CEP43: variants seen among roughly 807,000 people sequenced by gnomAD.
CEP43 encodes the protein FGFR1 oncogene partner.
CEP43 carries 36 observed loss-of-function variants against 52.6 expected under a neutral mutation model. The observed-to-expected ratio is 0.68, with a 90% CI of 0.52 to 0.90. The LOEUF is 0.90. Ranked by LOEUF, CEP43 falls within the 40% of genes least tolerant of loss-of-function variation. The pLI, the probability that CEP43 is intolerant of heterozygous loss-of-function variation, is 0.00. For synonymous variants in CEP43, 192 were observed against 172.4 expected (o/e 1.11, Z -0.89); for missense variants, 506 against 472.8 (o/e 1.07, Z -0.65).
intron 5 of CEP43, among the ~76,000 whole-genome samples, chr6:167,010,258 G>T (rs1446528304): frequency 6.6e-6 from 1 of 152,186 alleles, no homozygotes; most frequent in Non-Finnish European, 1.5e-5. Flanking sequence ...TGGTGACAGG[G>T]CACTGGGCAG....
chr6:167,029,154 G>T (rs935462553), intron 10 of CEP43, among the ~76,000 whole-genome samples: 2 of 152,184 alleles, frequency 1.3e-5, no homozygotes, highest in African/African-American at 2.4e-5. Context: ...CAGGTCATCA[G>T]CCAGAGGCAA....
chr6:167,040,088 T>C lies in CEP43; in HGVS notation c.*110T>C. On this transcript the variant is annotated 3_prime_UTR_variant, in exon 13 of 13. Coordinates refer to ENST00000366847, the MANE Select transcript of CEP43 (RefSeq NM_007045.4). ...GAATGTCTGCTCTCTATTGGTGCCT[T>C]GCATTTCAAAAACACTGCAGATATT... 1 of 1,609,028 alleles carries C rather than the reference T, an allele frequency of 6.2e-7. No individual in the cohort carries two copies. The highest frequency in any genetic ancestry group is 1.7e-5 in the Admixed American group (1 of 58,982).
chr6:167,016,815 C>T (rs189528137), intron 7 of CEP43, among the ~76,000 whole-genome samples: 3 of 151,968 alleles, frequency 2.0e-5, no homozygotes, highest in East Asian at 1.9e-4. Flanking sequence ...CAGAAACTGT[C>T]GTTGGCAGGG....
Position 167,022,607 on chromosome 6 carries a change from A to T in CEP43, c.778A>T (p.Ile260Phe). Residue 260 changes from isoleucine to phenylalanine, a missense_variant, in exon 8 of 13, where the codon ATT (isoleucine) becomes TTT (phenylalanine). By Grantham distance (21) the Ile-to-Phe change is conservative (BLOSUM62 0). Coordinates refer to ENST00000366847, the MANE Select transcript of CEP43 (RefSeq NM_007045.4). ...MEGDSFFDDP[I>F]PKPEKTYGLR... is the part of the protein sequence containing the mutation. ...AGGAGATTCTTTCTTTGATGATCCCATTCCTAAGCCAGAGAAAACTTACGG... is the reference window on the plus strand; with the variant it reads ...AGGAGATTCTTTCTTTGATGATCCCTTTCCTAAGCCAGAGAAAACTTACGG... 1 of 1,614,008 alleles carries T rather than the reference A, an allele frequency of 6.2e-7. No individual in the cohort carries two copies.
intron 5 of CEP43, among the ~76,000 whole-genome samples, chr6:167,006,490 G>A (rs957164743): frequency 6.6e-6 from 1 of 151,994 alleles, no homozygotes; most frequent in Non-Finnish European, 1.5e-5. Flanking sequence ...CCAGCCTGGC[G>A]ACAGAGCGAG....
Position 167,040,624 on chromosome 6 carries a change from T to C in CEP43, c.*646T>C. 1 of 1,035,238 alleles carries C rather than the reference T, an allele frequency of 9.7e-7. No individual in the cohort carries two copies. The allele number at this position is 1,035,238 out of a possible 1,614,324, so 64.1% of individuals were successfully genotyped here. On this transcript the variant is annotated 3_prime_UTR_variant, in exon 13 of 13. Coordinates refer to ENST00000366847, the MANE Select transcript of CEP43 (RefSeq NM_007045.4). ...AGAAATCTAGAAGTGGTTATGAGTT[T>C]TAATTCATAGAATTGTCAATAACAT...
intron 2 of CEP43, among the ~76,000 whole-genome samples, chr6:167,001,642 A>G (rs2128656600): frequency 6.6e-6 from 1 of 152,276 alleles, no homozygotes; most frequent in Non-Finnish European, 1.5e-5. Flanking sequence ...TAATGGGACC[A>G]TCATTTATCT....
rs1376816616 is a variant in CEP43 at position 167,009,484 on chromosome 6, A to G, written c.439-1329A>G. On this transcript the variant is annotated intron_variant, in intron 5 of 12. Coordinates refer to ENST00000366847, the MANE Select transcript of CEP43 (RefSeq NM_007045.4). The stretch of plus-strand genomic sequence containing the variant: ...AAGATTGCGCCTCTGCACTCCACAG[A>G]GCGAGACTCTGTCTCAAAAAAAAAA... Among the ~76,000 whole-genome samples, 33 of 131,092 alleles carry G rather than the reference A, an allele frequency of 2.5e-4. 1 individual carries two copies. The highest frequency in any genetic ancestry group is 9.8e-4 in the African/African-American group (33 of 33,688). 86.0% of individuals were successfully genotyped at this position (131,092 alleles called of 152,430 possible). A position where few individuals can be genotyped will look rare whatever the true frequency, so the allele number is the denominator to read the frequency against.
In CEP43 at chr6:167,036,459, C is replaced by T. The variant is rs1044166809; in HGVS notation, c.1125+2488C>T. Reference sequence around the variant, plus strand: ...GGTAGTCTCTGCACGGGAGCCAGCACGAGCAAAGACATAGGTAGATGTTGG... The same window carrying T: ...GGTAGTCTCTGCACGGGAGCCAGCATGAGCAAAGACATAGGTAGATGTTGG... On this transcript the variant is annotated intron_variant, in intron 12 of 12. Transcript: ENST00000366847. The T allele has an allele frequency of 3.7e-4, 360 of 985,378 alleles. 1 individual carries two copies. The African/African-American group carries it at 5.8e-3, about 16-fold the overall frequency. 61.0% of individuals were successfully genotyped at this position (985,378 alleles called of 1,614,324 possible). A position where few individuals can be genotyped will look rare whatever the true frequency, so the allele number is the denominator to read the frequency against.
At chr6:167,036,879 C>G (rs1279270538) in intron 12 of CEP43, 1 of 487,404 alleles carries the variant, frequency 2.1e-6, no homozygotes, top group Non-Finnish European at 2.7e-6. Flanking sequence ...TGGATCTTGG[C>G]TCATTGCAGC....
At position 167,042,141 on chromosome 6, in the gene CEP43, G is replaced by A. The variant is rs162298; in HGVS notation, c.*2163G>A. ...CAGTACTACATCCATTTTATTGAAT[G>A]ATTTTGAATGACTTAAAGTTCAACT... On this transcript the variant is annotated 3_prime_UTR_variant, in exon 13 of 13. Transcript: ENST00000366847. 281,335 of 1,005,884 alleles carry A rather than the reference G, an allele frequency of 0.28. 45,704 individuals are homozygous for A. The highest frequency in any genetic ancestry group is 0.7 in the African/African-American group (40,300 of 57,860). 62.3% of individuals were successfully genotyped at this position (1,005,884 alleles called of 1,614,324 possible). A position where few individuals can be genotyped will look rare whatever the true frequency, so the allele number is the denominator to read the frequency against.
intron 10 of CEP43, among the ~76,000 whole-genome samples, chr6:167,029,577 A>G (rs1780424487): frequency 1.3e-5 from 2 of 152,252 alleles, no homozygotes; most frequent in African/African-American, 2.4e-5. Context: ...CTTAACCTGT[A>G]TGTATTCTGT....
chr6:167,009,992 A>G (rs1310442427), intron 5 of CEP43, among the ~76,000 whole-genome samples: 1 of 152,240 alleles, frequency 6.6e-6, no homozygotes, highest in African/African-American at 2.4e-5. Flanking sequence ...TAAGGATTTT[A>G]GCCTAGAAGA....
chr6:167,019,461 A>T (rs1269153144), intron 7 of CEP43, among the ~76,000 whole-genome samples: 2 of 152,090 alleles, frequency 1.3e-5, no homozygotes, highest in African/African-American at 4.8e-5. Flanking sequence ...GTTTATTTGG[A>T]ATTAAGTTTA....
In CEP43 at chr6:167,028,549, A is replaced by G. The variant is rs555791910; in HGVS notation, c.988+1934A>G. On this transcript the variant is annotated intron_variant, in intron 10 of 12. Transcript: ENST00000366847. ...GTTGTTTACATTTTAAATATACAGT[A>G]CTCTAGGTATTTTGAGTAATATGTA... The G allele has an allele frequency of 4.3e-5, 41 of 962,494 alleles. No individual in the cohort carries two copies. In the South Asian group the frequency reaches 1.2e-3, roughly 28 times the overall value. The allele number at this position is 962,494 out of a possible 1,614,324, so 59.6% of individuals were successfully genotyped here.
Position 167,042,412 on chromosome 6 carries a change from G to C in CEP43, c.*2434G>C. 3.1e-6 allele frequency: 3 copies of C among 956,778 alleles called. No homozygotes were observed. The South Asian group carries it at 1.5e-4, about 47-fold the overall frequency. 59.3% of individuals were successfully genotyped at this position (956,778 alleles called of 1,614,324 possible). A position where few individuals can be genotyped will look rare whatever the true frequency, so the allele number is the denominator to read the frequency against. On this transcript the variant is annotated 3_prime_UTR_variant, in exon 13 of 13. Coordinates refer to ENST00000366847, the MANE Select transcript of CEP43 (RefSeq NM_007045.4). ...TGAATAAAAAGCATTTATTCTCTTT[G>C]TTGATATTCGGTTGTGCTTTTATAC... is the stretch of plus-strand genomic sequence containing the variant.
intron 9 of CEP43, chr6:167,025,124 A>G (rs1034720959): frequency 1.8e-5 from 6 of 325,890 alleles, no homozygotes; most frequent in South Asian, 2.9e-4. Context: ...ATACCATCGG[A>G]ATACTTTTGG....
intron 5 of CEP43, among the ~76,000 whole-genome samples, chr6:167,006,460 C>T (rs1014431371): frequency 1.4e-4 from 22 of 151,916 alleles, no homozygotes; most frequent in South Asian, 2.1e-4. Flanking sequence ...GGCAGTGAGG[C>T]GAGGTCGTGC....
intron 4 of CEP43, 74 bp from the exon 5 acceptor site, chr6:167,004,190 A>C (rs939413896): frequency 2.1e-6 from 3 of 1,457,578 alleles, no homozygotes; most frequent in East Asian, 2.3e-5. Flanking sequence ...TTAAACTCTG[A>C]AAATATCTTC....
Sources: gnomAD v4.1 joint callset for allele counts (sites outside exome capture counted in the v4.1 genomes callset) on GRCh38, gnomAD v4.1.1 for gene constraint, MANE v1.5 for transcripts, NCBI Gene and HGNC (gene_info 2026-07-23, HGNC 2026-07-21) for gene names.